Variants in CRYBG1 observed in about 807,000 individuals in gnomAD.
CRYBG1 encodes crystallin beta-gamma domain containing 1, also known as beta/gamma crystallin domain-containing protein 1.
Under a neutral mutation model 189.2 loss-of-function variants are expected in CRYBG1, and 139 were observed. The ratio of observed to expected loss-of-function variants is 0.73; its 90% CI spans 0.64 to 0.85. The LOEUF (loss-of-function observed/expected upper bound fraction) is 0.85. CRYBG1 is among the 40% of genes least tolerant of loss of function. The pLI is 0.00. For missense variants in CRYBG1, 2,611 were observed against 2,675.8 expected (o/e 0.98, Z 0.53); for synonymous variants, 1,023 against 1,017.1 (o/e 1.01, Z -0.11).
At chr6:106,417,419 C>A (rs9384609) in intron 1 of CRYBG1, among the ~76,000 whole-genome samples, 81,228 of 151,812 alleles carry the variant, frequency 0.54, 21,919 homozygotes, top group South Asian at 0.72. Flanking sequence ...TCTTGACTAA[C>A]CCTATTCCCA....
chr6:106,417,579 A>G (rs996522016), intron 1 of CRYBG1, among the ~76,000 whole-genome samples: 12 of 152,218 alleles, frequency 7.9e-5, no homozygotes, highest in Admixed American at 7.9e-4. Flanking sequence ...TCTCCGCTTT[A>G]TCTTCTTTCA....
At position 106,512,046 on chromosome 6, in the gene CRYBG1, G is replaced by A. The variant is rs1773276418; in HGVS notation, c.929G>A (p.Gly310Asp). 1 of 1,532,384 alleles carries A rather than the reference G, an allele frequency of 6.5e-7. No homozygotes were observed. The highest frequency in any genetic ancestry group is 8.7e-7 in the Non-Finnish European group (1 of 1,145,138). 94.9% of individuals were successfully genotyped at this position (1,532,384 alleles called of 1,614,324 possible). ...PTQERPAGGL[G>D]EAPNGAPSVC... is the part of the protein sequence containing the mutation. ...CAGGAGCGGCCCGCGGGAGGACTAG[G>A]CGAGGCCCCTAACGGAGCCCCCAGT... Residue 310 changes from glycine (G) to aspartate (D), a missense_variant, in exon 3 of 22, where the codon GGC (glycine) becomes GAC (aspartate). Coordinates refer to ENST00000633556, the MANE Select transcript of CRYBG1 (RefSeq NM_001371242.2).
At chr6:106,475,027 T>C (rs1050047457) in intron 2 of CRYBG1, among the ~76,000 whole-genome samples, 1 of 152,226 alleles carries the variant, frequency 6.6e-6, no homozygotes, top group Non-Finnish European at 1.5e-5. Context: ...TTAATTCTTT[T>C]AACCTTTTGA....
Position 106,506,718 on chromosome 6 carries a change from G to T in CRYBG1, c.313-4712G>T, listed in dbSNP as rs951482040. 2.0e-5 allele frequency among the ~76,000 whole-genome samples: 3 copies of T among 152,168 alleles called. No homozygotes were observed. In the East Asian group the frequency reaches 5.8e-4, roughly 29 times the overall value. The stretch of plus-strand genomic sequence containing the variant: ...TCCACCCACCTCGGCCTCCCAAAAT[G>T]CTGGGATTACAGGTGTGAGCCACTG... On this transcript the variant is annotated intron_variant, in intron 2 of 21. Coordinates refer to ENST00000633556, the MANE Select transcript of CRYBG1 (RefSeq NM_001371242.2).
rs752897207 is a variant in CRYBG1 at position 106,555,852 on chromosome 6, A to C, written c.5670A>C (p.Gly1890=). ...ATTATCCTTGTCTGTCTGCAATGGG[A>C]TGCCCGCCTGGAGCAACTTTCAAGT... ...EGHYPCLSAM[G]CPPGATFKSL... is the part of the protein sequence containing the mutation. Residue 1890 remains glycine, a synonymous_variant, in exon 17 of 22, where the codon GGA becomes GGC. Coordinates refer to ENST00000633556, the MANE Select transcript of CRYBG1 (RefSeq NM_001371242.2). 9.3e-6 allele frequency: 15 copies of C among 1,614,068 alleles called. No individual in the cohort carries two copies. The highest frequency in any genetic ancestry group is 1.1e-5 in the Non-Finnish European group (13 of 1,180,026).
At chr6:106,565,238 G>A (rs1033008911) in intron 21 of CRYBG1, among the ~76,000 whole-genome samples, 10 of 151,626 alleles carry the variant, frequency 6.6e-5, no homozygotes, top group Non-Finnish European at 1.0e-4. Flanking sequence ...GGAGAATCGC[G>A]TCAACCCGGG....
intron 2 of CRYBG1, among the ~76,000 whole-genome samples, chr6:106,474,147 C>G (rs562512453): frequency 6.6e-6 from 1 of 152,330 alleles, no homozygotes; most frequent in East Asian, 1.9e-4. Flanking sequence ...TCAACACTGA[C>G]TGTTACACTT....
intron 20 of CRYBG1, among the ~76,000 whole-genome samples, chr6:106,562,546 G>A (rs951176560): frequency 6.6e-6 from 1 of 152,104 alleles, no homozygotes; most frequent in African/African-American, 2.4e-5. Flanking sequence ...GAGTGCAGTG[G>A]CACTATCTCG....
chr6:106,548,509 T>C (rs1251549809), intron 13 of CRYBG1, among the ~76,000 whole-genome samples: 1 of 152,180 alleles, frequency 6.6e-6, no homozygotes, highest in Non-Finnish European at 1.5e-5. Context: ...GAGTACTGGC[T>C]AAAGCTGCTT....
intron 1 of CRYBG1, among the ~76,000 whole-genome samples, chr6:106,379,407 A>G (rs113062132): frequency 0.013 from 1,953 of 151,074 alleles, 48 homozygotes; most frequent in African/African-American, 0.045. Flanking sequence ...GACTACAGGC[A>G]CCTGCCACCA....
chr6:106,483,401 T>TATATATATATAAA, intron 2 of CRYBG1, among the ~76,000 whole-genome samples: 1 of 95,592 alleles, frequency 1.0e-5, no homozygotes. Context: ...GATATATATA[T>TATATATATATAAA]AAAACATTTT....
At chr6:106,461,924 A>G (rs1251786427) in intron 2 of CRYBG1, among the ~76,000 whole-genome samples, 1 of 152,186 alleles carries the variant, frequency 6.6e-6, no homozygotes, top group East Asian at 1.9e-4. Context: ...AACAGGTACT[A>G]TGACCGGGAT....
At chr6:106,385,905 A>G (rs976171006) in intron 1 of CRYBG1, among the ~76,000 whole-genome samples, 65 of 152,304 alleles carry the variant, frequency 4.3e-4, no homozygotes, top group African/African-American at 1.5e-3. Context: ...ACTAAGAATG[A>G]TGCTCTCAGT....
At chr6:106,563,417 T>C (rs1458916486) in intron 20 of CRYBG1, among the ~76,000 whole-genome samples, 1 of 152,040 alleles carries the variant, frequency 6.6e-6, no homozygotes, top group Non-Finnish European at 1.5e-5. Context: ...GAGGGAGATA[T>C]AGCTACAGAA....
At chr6:106,401,564 A>T (rs1770722414) in intron 1 of CRYBG1, among the ~76,000 whole-genome samples, 2 of 83,544 alleles carry the variant, frequency 2.4e-5, no homozygotes, top group Admixed American at 1.3e-4. Flanking sequence ...CCCTCCCCCG[A>T]CCCCACCACA....
intron 2 of CRYBG1, among the ~76,000 whole-genome samples, chr6:106,498,683 T>C (rs1207957174): frequency 2.0e-5 from 3 of 152,128 alleles, no homozygotes; most frequent in African/African-American, 7.2e-5. Flanking sequence ...GAGACCAGCC[T>C]GGCCAACATG....
chr6:106,372,649 T>C (rs2114302754), intron 1 of CRYBG1, among the ~76,000 whole-genome samples: 1 of 152,210 alleles, frequency 6.6e-6, no homozygotes, highest in East Asian at 1.9e-4. Context: ...AAGATGGGTG[T>C]GGCATGCGGG....
At chr6:106,539,957 G>T (rs780904925) in intron 9 of CRYBG1, among the ~76,000 whole-genome samples, 3 of 152,200 alleles carry the variant, frequency 2.0e-5, no homozygotes, top group Non-Finnish European at 2.9e-5. Flanking sequence ...AAATTAGCAG[G>T]ATGATTTTTT....
At chr6:106,505,454 C>T (rs1773110446) in intron 2 of CRYBG1, among the ~76,000 whole-genome samples, 1 of 152,114 alleles carries the variant, frequency 6.6e-6, no homozygotes, top group Admixed American at 6.5e-5. Context: ...GTCTTGAACT[C>T]CTGACCTTAA....
Sources: gnomAD v4.1 joint callset for allele counts (sites outside exome capture counted in the v4.1 genomes callset) on GRCh38, gnomAD v4.1.1 for gene constraint, MANE v1.5 for transcripts, NCBI Gene and HGNC (gene_info 2026-07-23, HGNC 2026-07-21) for gene names.